The following GALNTL6 variants were observed in gnomAD, a reference collection of about 807,000 sequenced individuals.
GALNTL6 encodes the protein polypeptide N-acetylgalactosaminyltransferase-like 6.
A neutral mutation model predicts 73.7 loss-of-function variants in GALNTL6; 46 were observed. The ratio of observed to expected loss-of-function variants is 0.62; its 90% CI spans 0.49 to 0.80. The LOEUF is 0.80. Among genes scored for constraint, GALNTL6 ranks in the 30% least tolerant of loss-of-function variants. GALNTL6 has a pLI of 0.00. For synonymous variants in GALNTL6, 259 were observed against 263.7 expected (o/e 0.98, Z 0.17); for missense variants, 604 against 755.0 (o/e 0.80, Z 2.34).
chr4:171,943,513 C>T (rs1738611556), intron 2 of GALNTL6, among the ~76,000 whole-genome samples: 1 of 152,114 alleles, frequency 6.6e-6, no homozygotes, highest in Admixed American at 6.6e-5. Flanking sequence ...TGATAAGTAG[C>T]CACCTATATT....
intron 5 of GALNTL6, among the ~76,000 whole-genome samples, chr4:172,650,182 C>T (rs1452723059): frequency 3.3e-5 from 5 of 152,144 alleles, no homozygotes; most frequent in South Asian, 2.1e-4. Flanking sequence ...GATTGAGGAT[C>T]GCAGTGTCAG....
chr4:172,052,403 A>T, intron 2 of GALNTL6: 1 of 1,439,064 alleles, frequency 6.9e-7, no homozygotes, highest in Non-Finnish European at 9.4e-7. Flanking sequence ...AGTAACCACA[A>T]GCTCCAGATG....
At chr4:172,650,806 A>G (rs1392353300) in intron 5 of GALNTL6, among the ~76,000 whole-genome samples, 1 of 152,214 alleles carries the variant, frequency 6.6e-6, no homozygotes, top group African/African-American at 2.4e-5. Flanking sequence ...AAAATGTAAA[A>G]TAAAATAAAA....
intron 10 of GALNTL6, among the ~76,000 whole-genome samples, chr4:172,980,805 G>A (rs4695819): frequency 0.98 from 148,471 of 152,260 alleles, 72,532 homozygotes; most frequent in Middle Eastern, 1. Flanking sequence ...TGGCAGGGGG[G>A]AGAGAGGGGC....
chr4:171,954,332 T>C (rs1738980443), intron 2 of GALNTL6, among the ~76,000 whole-genome samples: 2 of 152,174 alleles, frequency 1.3e-5, no homozygotes, highest in Admixed American at 1.3e-4. Context: ...AACATTTTTG[T>C]AGCATATAAA....
At chr4:172,626,687 G>T (rs991577923) in intron 5 of GALNTL6, among the ~76,000 whole-genome samples, 2 of 151,966 alleles carry the variant, frequency 1.3e-5, no homozygotes, top group African/African-American at 4.8e-5. Flanking sequence ...GCAGTGTTTT[G>T]TAGTTCTCTT....
intron 10 of GALNTL6, among the ~76,000 whole-genome samples, chr4:172,975,622 C>T (rs1365522298): frequency 6.6e-6 from 1 of 152,190 alleles, no homozygotes; most frequent in African/African-American, 2.4e-5. Context: ...AGGAGCCTGT[C>T]CCCTGCCGTC....
At chr4:172,643,543 A>T (rs1441672731) in intron 5 of GALNTL6, among the ~76,000 whole-genome samples, 2 of 151,942 alleles carry the variant, frequency 1.3e-5, no homozygotes, top group Non-Finnish European at 2.9e-5. Context: ...AGCACACCAG[A>T]TGTCTCCCTA....
At chr4:172,059,076 C>G (rs577992614) in intron 2 of GALNTL6, among the ~76,000 whole-genome samples, 1 of 152,304 alleles carries the variant, frequency 6.6e-6, no homozygotes, top group East Asian at 1.9e-4. Context: ...AGAAGTGTGT[C>G]TATCTACCAG....
chr4:172,024,124 A>G (rs1237287837), intron 2 of GALNTL6, among the ~76,000 whole-genome samples: 7 of 151,844 alleles, frequency 4.6e-5, no homozygotes, highest in African/African-American at 1.7e-4. Flanking sequence ...GTATGCATGA[A>G]TTCTTCTTTA....
At chr4:171,838,350 G>C (rs529578857) in intron 2 of GALNTL6, among the ~76,000 whole-genome samples, 6 of 151,792 alleles carry the variant, frequency 4.0e-5, no homozygotes, top group Admixed American at 3.9e-4. Context: ...CTTGAACTCC[G>C]GACCTCAGGT....
At chr4:171,944,609 T>A (rs1338721156) in intron 2 of GALNTL6, among the ~76,000 whole-genome samples, 3 of 152,036 alleles carry the variant, frequency 2.0e-5, no homozygotes, top group African/African-American at 7.2e-5. Flanking sequence ...TTTATTGATT[T>A]AGTATAAATC....
intron 5 of GALNTL6, among the ~76,000 whole-genome samples, chr4:172,479,795 TAG>T (rs1366550276): frequency 1.4e-5 from 2 of 148,010 alleles, no homozygotes; most frequent in Admixed American, 6.7e-5. Flanking sequence ...TGAATCTTAT[TAG>T]AGAGTTAAGT....
intron 2 of GALNTL6, among the ~76,000 whole-genome samples, chr4:172,215,088 A>G (rs1338585957): frequency 6.6e-6 from 1 of 151,896 alleles, no homozygotes; most frequent in Non-Finnish European, 1.5e-5. Flanking sequence ...TCTTTCCCTG[A>G]TTAATTTATA....
At chr4:172,882,737 C>T (rs1351219654) in intron 7 of GALNTL6, 53 bp from the exon 8 acceptor site, 3 of 1,147,758 alleles carry the variant, frequency 2.6e-6, no homozygotes, top group Non-Finnish European at 4.0e-6. Context: ...AAGGAAAATG[C>T]CATTGTCTGT....
intron 2 of GALNTL6, among the ~76,000 whole-genome samples, chr4:172,170,560 A>C (rs1177569096): frequency 1.4e-5 from 2 of 138,032 alleles, no homozygotes; most frequent in Admixed American, 1.6e-4. Flanking sequence ...CCCAGTCTAG[A>C]GTGTAGTGGT....
intron 5 of GALNTL6, among the ~76,000 whole-genome samples, chr4:172,522,752 C>A (rs987344107): frequency 2.0e-5 from 3 of 150,132 alleles, no homozygotes; most frequent in African/African-American, 7.4e-5. Context: ...TGATTTATTA[C>A]CACGCCATTT....
intron 5 of GALNTL6, among the ~76,000 whole-genome samples, chr4:172,503,526 G>GTATATATATA (rs3083398): frequency 0.14 from 11,906 of 85,052 alleles, 821 homozygotes; most frequent in East Asian, 0.22. Flanking sequence ...ACATAGAGTA[G>GTATATATATA]TATATATATA....
At chr4:172,081,483 CA>C (rs1731877860) in intron 2 of GALNTL6, among the ~76,000 whole-genome samples, 1 of 152,086 alleles carries the variant, frequency 6.6e-6, no homozygotes, top group Non-Finnish European at 1.5e-5. Context: ...ACTAAAAATA[CA>C]AAAATTAGCT....
Sources: allele counts gnomAD v4.1 joint callset (sites outside exome capture counted in the v4.1 genomes callset), GRCh38; gene constraint gnomAD v4.1.1; transcripts MANE v1.5; gene names NCBI Gene and HGNC (gene_info 2026-07-23, HGNC 2026-07-21).